The following IL6ST variants were observed in gnomAD, a reference collection of about 807,000 sequenced individuals.
IL6ST encodes interleukin 6 cytokine family signal transducer.
Under a neutral mutation model 91.3 loss-of-function variants are expected in IL6ST, and 24 were observed. That is an observed-to-expected ratio of 0.26 (90% CI 0.19 to 0.37). The LOEUF is 0.37. Ranked by LOEUF, IL6ST falls within the 10% of genes least tolerant of loss-of-function variation. The pLI, the probability that IL6ST is intolerant of heterozygous loss-of-function variation, is 1.00. For missense variants in IL6ST, 914 were observed against 1,078.5 expected (o/e 0.85, Z 2.14); for synonymous variants, 351 against 373.6 (o/e 0.94, Z 0.70).
At chr5:55,951,426 T>C (rs1751621839) in intron 14 of IL6ST, 38 bp downstream of exon 14, 2 of 1,538,664 alleles carry the variant, frequency 1.3e-6, no homozygotes, top group African/African-American at 1.4e-5. Flanking sequence ...TAACCTAAGT[T>C]TGAGAAAGAA....
At chr5:55,975,143 T>A (rs1230297794) in intron 3 of IL6ST, among the ~76,000 whole-genome samples, 1 of 152,034 alleles carries the variant, frequency 6.6e-6, no homozygotes, top group African/African-American at 2.4e-5. Context: ...ATGGTTTGAA[T>A]CTGTGTCCCC....
At chr5:55,990,073 G>A (rs1754224088) in intron 1 of IL6ST, among the ~76,000 whole-genome samples, 1 of 152,132 alleles carries the variant, frequency 6.6e-6, no homozygotes, top group South Asian at 2.1e-4. Flanking sequence ...ATGAAACTTT[G>A]GAGGCAGAAC....
At chr5:55,958,731 T>C (rs918780869) in intron 8 of IL6ST, among the ~76,000 whole-genome samples, 2 of 151,800 alleles carry the variant, frequency 1.3e-5, no homozygotes, top group African/African-American at 4.8e-5. Flanking sequence ...CCCAGCTATG[T>C]TGGGGGCTGA....
intron 5 of IL6ST, among the ~76,000 whole-genome samples, chr5:55,967,014 A>G (rs1319816921): frequency 1.3e-5 from 2 of 151,816 alleles, no homozygotes; most frequent in Non-Finnish European, 2.9e-5. Context: ...AATTTTTTGG[A>G]AAGAAAAAGA....
intron 14 of IL6ST, among the ~76,000 whole-genome samples, chr5:55,950,826 C>G (rs1245980206): frequency 6.6e-6 from 1 of 151,582 alleles, no homozygotes. Context: ...TGTGGTGGCA[C>G]TGGTCCCAGC....
At chr5:55,964,709 A>C (rs1399420419) in intron 5 of IL6ST, among the ~76,000 whole-genome samples, 1 of 152,068 alleles carries the variant, frequency 6.6e-6, no homozygotes, top group Non-Finnish European at 1.5e-5. Context: ...AGGGGTAAGA[A>C]TTTCTATTAC....
intron 4 of IL6ST, among the ~76,000 whole-genome samples, chr5:55,969,322 TG>T (rs373020712): frequency 2.6e-5 from 4 of 151,196 alleles, no homozygotes; most frequent in East Asian, 1.9e-4. Flanking sequence ...TTTCCTGTGG[TG>T]GGGGGGGTCT....
At chr5:55,942,817 C>A in intron 15 of IL6ST, 66 bp from the exon 16 acceptor site, 4 of 833,558 alleles carry the variant, frequency 4.8e-6, no homozygotes, top group Non-Finnish European at 8.0e-6. Flanking sequence ...GTCCCTATTT[C>A]TAAACATGTT....
At chr5:55,974,378 T>G (rs1753146504) in intron 3 of IL6ST, among the ~76,000 whole-genome samples, 1 of 152,120 alleles carries the variant, frequency 6.6e-6, no homozygotes. Flanking sequence ...TAGGCTGGAG[T>G]GCAGTGGCAC....
Position 55,941,112 on chromosome 5 carries a change from A to G in IL6ST, c.2727T>C (p.Thr909=). The change falls in exon 17 of 17, where the codon ACT becomes ACC. Residue 909 remains threonine, a synonymous_variant. Coordinates refer to ENST00000381298, the MANE Select transcript of IL6ST (RefSeq NM_002184.4). ...GAGGCATGTAGCCGCCTTGCCGTAC[A>G]GTCTGTGGTAAGTAACTTTTAGGCA... ...EGMPKSYLPQ[T]VRQGGYMPQ 3 of 1,613,930 alleles carry G rather than the reference A, an allele frequency of 1.9e-6. No homozygotes were observed. The highest frequency in any genetic ancestry group is 2.5e-6 in the Non-Finnish European group (3 of 1,179,860).
At chr5:55,979,891 A>G (rs1753541558) in intron 2 of IL6ST, among the ~76,000 whole-genome samples, 1 of 152,240 alleles carries the variant, frequency 6.6e-6, no homozygotes. Context: ...ATGGGACACT[A>G]GTTAAATGAT....
rs2112650948 is a variant in IL6ST, at chr5:55,939,152, T to TA, written c.*1929dup. ...TAATAGGTATAAATTTCCTGACACA[T>TA]ACAGCAAGACAAATCCAGCCCAGCC... On this transcript the variant is annotated 3_prime_UTR_variant, in exon 17 of 17. Coordinates refer to ENST00000381298, the MANE Select transcript of IL6ST (RefSeq NM_002184.4). 1 of 211,068 alleles carries TA rather than the reference T, an allele frequency of 4.7e-6. No individual in the cohort carries two copies. The highest frequency in any genetic ancestry group is 9.6e-6 in the Non-Finnish European group (1 of 103,972). 13.1% of individuals were successfully genotyped at this position (211,068 alleles called of 1,614,324 possible). A position where few individuals can be genotyped will look rare whatever the true frequency, so the allele number is the denominator to read the frequency against.
Position 55,968,894 on chromosome 5 carries a change from T to C in IL6ST, c.371-498A>G, listed in dbSNP as rs76509072. On this transcript the variant is annotated intron_variant, in intron 4 of 16. Coordinates refer to ENST00000381298, the MANE Select transcript of IL6ST (RefSeq NM_002184.4). ...TTTGGATCATAGTAAGTTTATTTTG[T>C]TTACTTTGTTACTCCAAGGCCAGGC... Among the ~76,000 whole-genome samples, 469 of 152,262 alleles carry C rather than the reference T, an allele frequency of 3.1e-3. 2 individuals carry two copies. The highest frequency in any genetic ancestry group is 0.011 in the African/African-American group (448 of 41,552).
At chr5:55,953,306 A>C (rs1448707018) in intron 11 of IL6ST, among the ~76,000 whole-genome samples, 1 of 152,232 alleles carries the variant, frequency 6.6e-6, no homozygotes, top group Non-Finnish European at 1.5e-5. Context: ...AACAATTTTT[A>C]TATTCTACTC....
chr5:55,976,429 A>G (rs1411795149), intron 2 of IL6ST, 136 bp from the exon 3 acceptor site: 1 of 435,448 alleles, frequency 2.3e-6, no homozygotes, highest in Non-Finnish European at 4.1e-6. Flanking sequence ...TAGAAAACTT[A>G]AGTCTTCACA....
chr5:55,957,243 G>T lies in IL6ST; in HGVS notation c.1022C>A (p.Thr341Asn). The change falls in exon 9 of 17, where the codon ACT becomes AAT. Residue 341 changes from threonine to asparagine, a missense_variant. Thr to Asn is a moderately conservative substitution (Grantham distance 65, BLOSUM62 0). Coordinates refer to ENST00000381298, the MANE Select transcript of IL6ST (RefSeq NM_002184.4). The part of the protein sequence containing the change: ...SFWYKIDPSH[T>N]QGYRTVQLVW... ...GAGTTGTACAGTTCTGTAGCCTTGAGTATGGGATGGATCTATTTTATACCA... is the reference window on the plus strand; with the variant it reads ...GAGTTGTACAGTTCTGTAGCCTTGATTATGGGATGGATCTATTTTATACCA... 1 of 1,569,006 alleles carries T rather than the reference G, an allele frequency of 6.4e-7. No individual in the cohort carries two copies.
chr5:55,947,154 G>A (rs148317669), intron 15 of IL6ST, among the ~76,000 whole-genome samples: 3 of 152,170 alleles, frequency 2.0e-5, no homozygotes, highest in African/African-American at 7.2e-5. Flanking sequence ...AACTGAGATC[G>A]CACCACTGCA....
In IL6ST at chr5:55,938,251, G is replaced by C. The variant is rs1409550442; in HGVS notation, c.*2831C>G. 5.2e-6 allele frequency: 1 copy of C among 192,922 alleles called. No individual in the cohort carries two copies. Among genetic ancestry groups the C allele is most frequent in the Non-Finnish European group, 1.1e-5 (1 of 92,418 alleles). The allele number at this position is 192,922 out of a possible 1,614,324, so 12.0% of individuals were successfully genotyped here. Reference sequence around the variant, plus strand: ...GAACAATTAGGTAGAGAAGAGGTATGAACACAGAACATGTGAATGAAATTT... The same window carrying C: ...GAACAATTAGGTAGAGAAGAGGTATCAACACAGAACATGTGAATGAAATTT... On this transcript the variant is annotated 3_prime_UTR_variant, in exon 17 of 17. Coordinates refer to ENST00000381298, the MANE Select transcript of IL6ST (RefSeq NM_002184.4).
chr5:55,959,909 G>A (rs1174542052), intron 8 of IL6ST, among the ~76,000 whole-genome samples: 5 of 149,846 alleles, frequency 3.3e-5, no homozygotes, highest in East Asian at 2.0e-4. Context: ...TTTTTGAGAC[G>A]GAGTCTCGTT....
Sources: allele counts gnomAD v4.1 joint callset (sites outside exome capture counted in the v4.1 genomes callset), GRCh38; gene constraint gnomAD v4.1.1; transcripts MANE v1.5; gene names NCBI Gene and HGNC (gene_info 2026-07-23, HGNC 2026-07-21).